FKBP5: variants seen among roughly 807,000 people sequenced by gnomAD.
FKBP5 encodes FKBP prolyl isomerase 5.
A neutral mutation model predicts 50.5 loss-of-function variants in FKBP5; 23 were observed. That is an observed-to-expected ratio of 0.46 (90% CI 0.33 to 0.65). The LOEUF is 0.65. Ranked by LOEUF, FKBP5 falls within the 30% of genes least tolerant of loss-of-function variation. The pLI is 0.02. For missense variants in FKBP5, 411 were observed against 553.1 expected (o/e 0.74, Z 2.58); for synonymous variants, 176 against 190.6 (o/e 0.92, Z 0.63).
chr6:35,604,884 G>A (rs1183359481), intron 5 of FKBP5, among the ~76,000 whole-genome samples: 5 of 150,426 alleles, frequency 3.3e-5, no homozygotes, highest in Admixed American at 6.6e-5. Flanking sequence ...TCCACCTCCC[G>A]GGTTCACGCC....
At chr6:35,609,265 T>C (rs1399027501) in intron 5 of FKBP5, among the ~76,000 whole-genome samples, 2 of 152,198 alleles carry the variant, frequency 1.3e-5, no homozygotes, top group Non-Finnish European at 2.9e-5. Flanking sequence ...AGTATTTTTT[T>C]CGAAAAGAAT....
intron 2 of FKBP5, among the ~76,000 whole-genome samples, chr6:35,640,498 G>A (rs897465924): frequency 2.0e-5 from 3 of 152,084 alleles, no homozygotes; most frequent in African/African-American, 7.2e-5. Context: ...GAACATGAAG[G>A]CCTAGGATAT....
chr6:35,576,757 T>C (rs535945782), intron 10 of FKBP5, among the ~76,000 whole-genome samples: 1 of 152,316 alleles, frequency 6.6e-6, no homozygotes, highest in East Asian at 1.9e-4. Context: ...ACAATTACTT[T>C]TGAACCAATC....
At chr6:35,663,960 G>A (rs529597476) in intron 1 of FKBP5, among the ~76,000 whole-genome samples, 1 of 152,292 alleles carries the variant, frequency 6.6e-6, no homozygotes, top group African/African-American at 2.4e-5. Flanking sequence ...TCTAATGGAC[G>A]AGCTAAGTAA....
chr6:35,696,732 C>G (rs1019068969), intron 2 of FKBP5, among the ~76,000 whole-genome samples: 1 of 151,964 alleles, frequency 6.6e-6, no homozygotes, highest in Admixed American at 6.6e-5. Context: ...TTGCATTAGA[C>G]CAAGAATAGC....
chr6:35,655,882 G>A lies in FKBP5; in HGVS notation c.-19-13039C>T, dbSNP rs181805852. On this transcript the variant is annotated intron_variant, in intron 1 of 10. Transcript: ENST00000357266. ...AATCTATCTCTGAAGTACATTATAA[G>A]AGTGTCTGTACATACACAACACATA... Among the ~76,000 whole-genome samples, 126 of 152,274 alleles carry A rather than the reference G, an allele frequency of 8.3e-4. 1 individual carries two copies. The highest frequency in any genetic ancestry group is 2.9e-3 in the African/African-American group (121 of 41,548).
intron 3 of FKBP5, among the ~76,000 whole-genome samples, chr6:35,622,826 C>T (rs1018463399): frequency 6.6e-6 from 1 of 152,160 alleles, no homozygotes; most frequent in Admixed American, 6.5e-5. Context: ...GATTTGAATA[C>T]CAAGTTTGCC....
chr6:35,597,705 C>T (rs1404148779), intron 5 of FKBP5, among the ~76,000 whole-genome samples: 3 of 152,120 alleles, frequency 2.0e-5, no homozygotes, highest in Non-Finnish European at 4.4e-5. Context: ...AGTTTCCTCA[C>T]CTATAATACA....
intron 3 of FKBP5, among the ~76,000 whole-genome samples, chr6:35,626,844 C>T (rs1009716595): frequency 7.9e-5 from 12 of 152,130 alleles, no homozygotes; most frequent in South Asian, 2.1e-4. Flanking sequence ...TTCCACTGTA[C>T]GTTTATATCA....
At chr6:35,619,040 G>C in intron 5 of FKBP5, 56 bp downstream of exon 5, 1 of 1,144,166 alleles carries the variant, frequency 8.7e-7, no homozygotes. Flanking sequence ...TCTCCATTTC[G>C]TCCACATAAA....
intron 1 of FKBP5, among the ~76,000 whole-genome samples, chr6:35,673,606 T>G (rs930843085): frequency 1.3e-5 from 2 of 152,130 alleles, no homozygotes; most frequent in Non-Finnish European, 2.9e-5. Context: ...ATGTTTATAA[T>G]ACTATTATAT....
At chr6:35,718,805 C>G (rs1766556625) in intron 2 of FKBP5, among the ~76,000 whole-genome samples, 1 of 152,220 alleles carries the variant, frequency 6.6e-6, no homozygotes, top group Non-Finnish European at 1.5e-5. Flanking sequence ...CTCCCCTCCC[C>G]AGGCAGGACA....
At chr6:35,612,803 C>T (rs1187674835) in intron 5 of FKBP5, among the ~76,000 whole-genome samples, 1 of 152,198 alleles carries the variant, frequency 6.6e-6, no homozygotes, top group African/African-American at 2.4e-5. Flanking sequence ...AATGCCCCCC[C>T]GATTCAGTTA....
chr6:35,668,109 G>A lies in FKBP5; in HGVS notation c.-20+20695C>T, dbSNP rs199573665. On this transcript the variant is annotated intron_variant, in intron 1 of 10. Transcript: ENST00000357266. Reference sequence around the variant, plus strand: ...CTACAACGAGTGTGTAACACAATAAGAAAGTAAAAGTTATTATTCAAAAAG... The same window carrying A: ...CTACAACGAGTGTGTAACACAATAAAAAAGTAAAAGTTATTATTCAAAAAG... 4.6e-5 allele frequency among the ~76,000 whole-genome samples: 7 copies of A among 152,268 alleles called. No homozygotes were observed. In the East Asian group the frequency reaches 1.3e-3, roughly 29 times the overall value.
At chr6:35,609,751 T>C (rs1342585010) in intron 5 of FKBP5, among the ~76,000 whole-genome samples, 1 of 152,200 alleles carries the variant, frequency 6.6e-6, no homozygotes, top group Non-Finnish European at 1.5e-5. Context: ...GGACTGTCCA[T>C]TTTGCTCTTC....
intron 2 of FKBP5, among the ~76,000 whole-genome samples, chr6:35,720,168 T>C (rs1280975613): frequency 6.6e-6 from 1 of 151,956 alleles, no homozygotes; most frequent in Non-Finnish European, 1.5e-5. Flanking sequence ...GAGGGGTGTG[T>C]GTATGTTAGT....
intron 1 of FKBP5, among the ~76,000 whole-genome samples, chr6:35,670,834 C>G (rs147458246): frequency 1.3e-5 from 2 of 151,576 alleles, no homozygotes; most frequent in Non-Finnish European, 2.9e-5. Flanking sequence ...ATTGAAATAG[C>G]CTAGGAATCT....
At chr6:35,684,425 G>A (rs1179079544) in intron 1 of FKBP5, among the ~76,000 whole-genome samples, 1 of 152,022 alleles carries the variant, frequency 6.6e-6, no homozygotes, top group Non-Finnish European at 1.5e-5. Context: ...CAATCCACGT[G>A]CCTTGGCCTC....
chr6:35,677,596 CTG>C (rs979768357), intron 1 of FKBP5, among the ~76,000 whole-genome samples: 1 of 152,170 alleles, frequency 6.6e-6, no homozygotes, highest in African/African-American at 2.4e-5. Context: ...GGGCCACAGT[CTG>C]TGGTCTAAGA....
Sources: allele counts gnomAD v4.1 joint callset (sites outside exome capture counted in the v4.1 genomes callset), GRCh38; gene constraint gnomAD v4.1.1; transcripts MANE v1.5; gene names NCBI Gene and HGNC (gene_info 2026-07-23, HGNC 2026-07-21).